Variants in VAX2 observed in about 807,000 individuals in gnomAD.
The protein encoded by VAX2 is ventral anterior homeobox 2.
Under a neutral mutation model 12.5 loss-of-function variants are expected in VAX2, and 8 were observed. The observed-to-expected ratio is 0.64, with a 90% CI of 0.37 to 1.15. VAX2 has a LOEUF of 1.15. VAX2 is among the 50% of genes most tolerant of loss of function. VAX2 has a pLI of 0.01. For synonymous variants in VAX2, 183 were observed against 187.6 expected, an observed-to-expected ratio of 0.98 and a Z score of 0.20; for missense variants, 476 against 412.9, an observed-to-expected ratio of 1.15 and a Z score of -1.32.
intron 2 of VAX2, among the ~76,000 whole-genome samples, chr2:70,929,038 G>A (rs1679633107): frequency 6.6e-6 from 1 of 152,192 alleles, no homozygotes; most frequent in African/African-American, 2.4e-5. Context: ...CAGGGAGGGG[G>A]AATGCAGCAG....
intron 1 of VAX2, among the ~76,000 whole-genome samples, chr2:70,903,295 T>C (rs979928593): frequency 6.6e-6 from 1 of 152,194 alleles, no homozygotes; most frequent in Non-Finnish European, 1.5e-5. Context: ...GCATTTGCCC[T>C]TGCTGTCCTA....
At chr2:70,907,311 G>A (rs1254884949) in intron 1 of VAX2, among the ~76,000 whole-genome samples, 3 of 152,270 alleles carry the variant, frequency 2.0e-5, no homozygotes, top group Non-Finnish European at 4.4e-5. Context: ...GTCTTGGGAA[G>A]CGCTGGGCCG....
At chr2:70,906,520 C>T (rs1278750895) in intron 1 of VAX2, among the ~76,000 whole-genome samples, 33 of 60,604 alleles carry the variant, frequency 5.4e-4, no homozygotes, top group Non-Finnish European at 5.5e-4. Flanking sequence ...TTTTCTTTTC[C>T]TTTTTTTTTT....
At chr2:70,907,225 G>T (rs1484875174) in intron 1 of VAX2, among the ~76,000 whole-genome samples, 2 of 152,230 alleles carry the variant, frequency 1.3e-5, no homozygotes, top group Non-Finnish European at 2.9e-5. Flanking sequence ...CCGCAGCTTT[G>T]GGAAGCACTG....
intron 2 of VAX2, chr2:70,924,142 C>T (rs1311406887): frequency 6.6e-6 from 1 of 152,030 alleles, no homozygotes; most frequent in Non-Finnish European, 1.5e-5. Flanking sequence ...GCCTGGATGA[C>T]AGAGCAAGAC....
chr2:70,915,257 G>GTT (rs34783362), intron 1 of VAX2, among the ~76,000 whole-genome samples: 52 of 150,474 alleles, frequency 3.5e-4, no homozygotes, highest in African/African-American at 8.8e-4. Context: ...TTTGTTTTTT[G>GTT]TTTTTTTTGA....
intron 2 of VAX2, among the ~76,000 whole-genome samples, chr2:70,922,120 T>C (rs1679471912): frequency 6.6e-6 from 1 of 152,212 alleles, no homozygotes; most frequent in Non-Finnish European, 1.5e-5. Flanking sequence ...CAGTCTCTCA[T>C]CTTTATGCTG....
chr2:70,932,268 T>C (rs567048542), intron 2 of VAX2, among the ~76,000 whole-genome samples: 45 of 152,104 alleles, frequency 3.0e-4, no homozygotes, highest in African/African-American at 9.4e-4. Context: ...CATGTGGGGT[T>C]TGGGGTGTTT....
intron 2 of VAX2, among the ~76,000 whole-genome samples, chr2:70,928,095 G>A (rs994850940): frequency 1.3e-5 from 2 of 152,242 alleles, no homozygotes; most frequent in Admixed American, 1.3e-4. Context: ...TGGGGCAGGA[G>A]GGACACATTC....
At chr2:70,926,353 T>C (rs551567409) in intron 2 of VAX2, among the ~76,000 whole-genome samples, 52 of 152,180 alleles carry the variant, frequency 3.4e-4, no homozygotes, top group African/African-American at 1.2e-3. Context: ...CTCAAGACTA[T>C]CAAAAGAACC....
intron 2 of VAX2, 149 bp from the exon 3 acceptor site, chr2:70,932,618 C>T (rs1350312805): frequency 3.7e-6 from 2 of 547,780 alleles, no homozygotes; most frequent in African/African-American, 1.9e-5. Flanking sequence ...CTCTTCTTTC[C>T]CTCTTGCTCC....
At chr2:70,902,394 C>T (rs1403646302) in intron 1 of VAX2, among the ~76,000 whole-genome samples, 1 of 152,120 alleles carries the variant, frequency 6.6e-6, no homozygotes, top group Non-Finnish European at 1.5e-5. Context: ...CTGTTGGGCA[C>T]CAGGGATTAA....
intron 1 of VAX2, among the ~76,000 whole-genome samples, chr2:70,917,334 T>TAAATAAATAAAA: frequency 6.6e-6 from 1 of 150,992 alleles, no homozygotes. Context: ...AATAAATAAA[T>TAAATAAATAAAA]AAATAAATAA....
At chr2:70,929,437 C>T (rs1553413989) in intron 2 of VAX2, among the ~76,000 whole-genome samples, 2 of 151,424 alleles carry the variant, frequency 1.3e-5, no homozygotes, top group African/African-American at 4.9e-5. Flanking sequence ...GCCTGTAATC[C>T]CAGCACTTTA....
intron 1 of VAX2, among the ~76,000 whole-genome samples, chr2:70,917,891 A>G (rs1345048264): frequency 6.6e-6 from 1 of 152,202 alleles, no homozygotes; most frequent in Non-Finnish European, 1.5e-5. Flanking sequence ...CCTTCCTCCT[A>G]TTCATACCCC....
intron 1 of VAX2, among the ~76,000 whole-genome samples, chr2:70,901,133 G>C (rs1553409720): frequency 1.3e-5 from 2 of 152,248 alleles, no homozygotes; most frequent in East Asian, 3.8e-4. Context: ...CATTCGGAAC[G>C]GCTACTGTGG....
At chr2:70,919,083 T>A (rs1262746521) in intron 1 of VAX2, among the ~76,000 whole-genome samples, 2 of 147,842 alleles carry the variant, frequency 1.4e-5, no homozygotes, top group African/African-American at 5.1e-5. Context: ...ACGCCTGTAG[T>A]CCCAGTTACT....
At chr2:70,903,567 G>A (rs1678981956) in intron 1 of VAX2, among the ~76,000 whole-genome samples, 1 of 152,154 alleles carries the variant, frequency 6.6e-6, no homozygotes, top group African/African-American at 2.4e-5. Flanking sequence ...GTTTCTCTTT[G>A]CTTGTTTCCT....
At chr2:70,907,333 A>C (rs1679082809) in intron 1 of VAX2, among the ~76,000 whole-genome samples, 1 of 152,248 alleles carries the variant, frequency 6.6e-6, no homozygotes, top group African/African-American at 2.4e-5. Flanking sequence ...TCGTAAAGTC[A>C]ATGGTGAGTC....
Sources: allele counts gnomAD v4.1 joint callset (sites outside exome capture counted in the v4.1 genomes callset), GRCh38; gene constraint gnomAD v4.1.1; transcripts MANE v1.5; gene names NCBI Gene and HGNC (gene_info 2026-07-23, HGNC 2026-07-21).